Variants in RELN observed in about 807,000 individuals in gnomAD.
The protein encoded by RELN is reelin.
A neutral mutation model predicts 427.6 loss-of-function variants in RELN; 108 were observed. The ratio of observed to expected loss-of-function variants is 0.25; its 90% CI spans 0.22 to 0.30. The LOEUF (loss-of-function observed/expected upper bound fraction) is 0.30. Among genes scored for constraint, RELN ranks in the 10% least tolerant of loss-of-function variants. RELN has a pLI of 1.00. For synonymous variants in RELN, 1,524 were observed against 1,513.4 expected, an observed-to-expected ratio of 1.01 and a Z score of -0.16; for missense variants, 3,715 against 4,302.8, an observed-to-expected ratio of 0.86 and a Z score of 3.82.
intron 58 of RELN, 87 bp downstream of exon 58, chr7:103,491,846 TCTCTCTCTCTCACACACACA>T (rs1486538651): frequency 7.7e-5 from 47 of 609,892 alleles, no homozygotes; most frequent in Middle Eastern, 4.5e-4. Context: ...TCTCTCTCTC[TCTCTCTCTCTCACACACACA>T]CACACACACA....
At chr7:103,527,218 C>T (rs542274027) in intron 46 of RELN, among the ~76,000 whole-genome samples, 15 of 152,144 alleles carry the variant, frequency 9.9e-5, no homozygotes, top group East Asian at 1.9e-4. Flanking sequence ...TCCTCACTGT[C>T]GTCATCATCG....
chr7:103,968,694 A>G lies in RELN; in HGVS notation c.226+20437T>C, dbSNP rs1796704929. Among the ~76,000 whole-genome samples, 1 of 152,202 alleles carries G rather than the reference A, an allele frequency of 6.6e-6. No individual in the cohort carries two copies. The highest frequency in any genetic ancestry group is 1.5e-5 in the Non-Finnish European group (1 of 68,038). On this transcript the variant is annotated intron_variant, in intron 1 of 64. Transcript: ENST00000428762. The surrounding 1 kb of genome is among the most constrained non-coding windows in gnomAD (Gnocchi z 4.3). Reference sequence around the variant, plus strand: ...TAAAGAAAAGAGGCATTAGATTATTAAGAACCAGTTAGAAAAGGTGAAAAT... The same window carrying G: ...TAAAGAAAAGAGGCATTAGATTATTGAGAACCAGTTAGAAAAGGTGAAAAT...
intron 38 of RELN, among the ~76,000 whole-genome samples, chr7:103,556,526 A>T (rs1044140622): frequency 1.3e-5 from 2 of 151,936 alleles, no homozygotes; most frequent in Non-Finnish European, 2.9e-5. Flanking sequence ...CTTGAATTGT[A>T]CTCCCATAAT....
At chr7:103,537,942 T>C (rs1482834389) in intron 45 of RELN, among the ~76,000 whole-genome samples, 1 of 152,226 alleles carries the variant, frequency 6.6e-6, no homozygotes, top group Non-Finnish European at 1.5e-5. Flanking sequence ...CATCTCTTGC[T>C]CCTTTGAGTT....
At chr7:103,621,041 TCAAA>T (rs1380502780) in intron 20 of RELN, among the ~76,000 whole-genome samples, 1 of 152,230 alleles carries the variant, frequency 6.6e-6, no homozygotes, top group Admixed American at 6.5e-5. Context: ...TAGAGCATAC[TCAAA>T]CAGAGCCATT....
At chr7:103,630,844 TTTTTTTGTTTTTTTTG>T (rs1350902355) in intron 19 of RELN, among the ~76,000 whole-genome samples, 5 of 63,486 alleles carry the variant, frequency 7.9e-5, no homozygotes, top group African/African-American at 5.5e-4. Flanking sequence ...GGCTGAGTTA[TTTTTTTGTTTTTTTTG>T]TTTTTTTTTT....
chr7:103,533,268 GA>G lies in RELN; in HGVS notation c.7349+2047del, dbSNP rs556134436. Among the ~76,000 whole-genome samples the G allele has an allele frequency of 2.9e-4, 44 of 152,274 alleles. No individual in the cohort carries two copies. In the East Asian group the frequency reaches 8.3e-3, roughly 29 times the overall value. On this transcript the variant is annotated intron_variant, in intron 46 of 64. Coordinates refer to ENST00000428762, the MANE Select transcript of RELN (RefSeq NM_005045.4). ...TGTCAGCATCACGTTTCTTTATAGC[GA>G]AGAGCTACAAACTGAAATCCTCAAT...
intron 2 of RELN, 26 bp downstream of exon 2, chr7:103,917,049 A>T: frequency 6.4e-7 from 1 of 1,553,458 alleles, no homozygotes; most frequent in African/African-American, 1.4e-5. Context: ...ATACCCCCAA[A>T]TTTCTGGTTT....
rs1832673645 is a variant in RELN at position 103,640,456 on chromosome 7, A to G, written c.2069+87T>C. ...TTGTCTTAAAAAGATCCCCGATCCT[A>G]AAAAAGGTTATTAAATGACTTGCGA... On this transcript the variant is annotated intron_variant, in intron 17 of 64. Coordinates refer to ENST00000428762, the MANE Select transcript of RELN (RefSeq NM_005045.4). The surrounding 1 kb of genome is among the most constrained non-coding windows in gnomAD (Gnocchi z 4.1). The G allele has an allele frequency of 7.5e-7, 1 of 1,337,538 alleles. No individual in the cohort carries two copies. Among genetic ancestry groups the G allele is most frequent in the Non-Finnish European group, 1.1e-6 (1 of 932,996 alleles). The allele number at this position is 1,337,538 out of a possible 1,614,324, so 82.9% of individuals were successfully genotyped here.
chr7:103,476,850 A>G, intron 64 of RELN: 1 of 208,710 alleles, frequency 4.8e-6, no homozygotes, highest in Non-Finnish European at 1.0e-5. Context: ...GTACAGCTAT[A>G]GATAACCTTA....
At chr7:103,571,937 A>G (rs1473375600) in intron 31 of RELN, among the ~76,000 whole-genome samples, 4 of 152,176 alleles carry the variant, frequency 2.6e-5, no homozygotes, top group Non-Finnish European at 5.9e-5. Flanking sequence ...AGGGTTCCCT[A>G]AAACAAATGG....
At chr7:103,912,401 G>GTCT (rs1795389819) in intron 2 of RELN, among the ~76,000 whole-genome samples, 1 of 152,052 alleles carries the variant, frequency 6.6e-6, no homozygotes, top group South Asian at 2.1e-4. Flanking sequence ...GGCCAGGCTG[G>GTCT]TCTTGAACTC....
chr7:103,493,692 T>A (rs1392478766), intron 57 of RELN, among the ~76,000 whole-genome samples: 1 of 151,866 alleles, frequency 6.6e-6, no homozygotes, highest in Non-Finnish European at 1.5e-5. Context: ...AGATAACAGA[T>A]ATCAAAGAGG....
At chr7:103,617,217 G>C (rs543983244) in intron 20 of RELN, among the ~76,000 whole-genome samples, 4 of 152,144 alleles carry the variant, frequency 2.6e-5, no homozygotes, top group African/African-American at 9.6e-5. Context: ...TTTAAAGTGG[G>C]TTTATTTTTA....
At chr7:103,589,912 G>A (rs1286339671) in intron 27 of RELN, 84 bp from the exon 28 acceptor site, 3 of 812,050 alleles carry the variant, frequency 3.7e-6, no homozygotes, top group South Asian at 2.8e-5. Flanking sequence ...CATCCAGGGT[G>A]CCTTCCAATG....
chr7:103,599,272 GTCTT>G (rs1831610225), intron 24 of RELN, among the ~76,000 whole-genome samples: 1 of 150,856 alleles, frequency 6.6e-6, no homozygotes, highest in Admixed American at 6.6e-5. Flanking sequence ...CATTTATTCA[GTCTT>G]TCTTCAACAA....
At chr7:103,896,177 A>G (rs1164167213) in intron 2 of RELN, among the ~76,000 whole-genome samples, 1 of 152,092 alleles carries the variant, frequency 6.6e-6, no homozygotes, top group Admixed American at 6.6e-5. Context: ...CACTGACACC[A>G]CCGAATGCTG....
intron 3 of RELN, among the ~76,000 whole-genome samples, chr7:103,785,860 T>G (rs1563012285): frequency 6.6e-6 from 1 of 152,074 alleles, no homozygotes; most frequent in Non-Finnish European, 1.5e-5. Flanking sequence ...TGAAAGGGAA[T>G]TAAAGGAGCA....
At position 103,643,017 on chromosome 7, in the gene RELN, C is replaced by T. The variant is rs923324468; in HGVS notation, c.2003-2408G>A. Among the ~76,000 whole-genome samples, 6 of 151,970 alleles carry T rather than the reference C, an allele frequency of 3.9e-5. No homozygotes were observed. In the South Asian group the frequency reaches 6.2e-4, roughly 16 times the overall value. ...GGTCTTTGAGGGTGGGCTTTCCATT[C>T]GTCTGCTTTTTGGATAAATATTGGG... is the stretch of plus-strand genomic sequence containing the variant. On this transcript the variant is annotated intron_variant, in intron 16 of 64. Transcript: ENST00000428762.
Sources: gnomAD v4.1 joint callset for allele counts (sites outside exome capture counted in the v4.1 genomes callset) on GRCh38, gnomAD v4.1.1 for gene constraint, Gnocchi (gnomAD v3.1) non-coding constraint, MANE v1.5 for transcripts, NCBI Gene and HGNC (gene_info 2026-07-23, HGNC 2026-07-21) for gene names.